Variants in CCDC30 observed in about 807,000 individuals in gnomAD.
CCDC30 encodes coiled-coil domain containing 30.
CCDC30 carries 70 observed loss-of-function variants against 100.2 expected under a neutral mutation model. The observed-to-expected ratio is 0.70, with a 90% CI of 0.58 to 0.85. The LOEUF (loss-of-function observed/expected upper bound fraction) is 0.85. CCDC30 is among the 40% of genes least tolerant of loss of function. The pLI, the probability that CCDC30 is intolerant of heterozygous loss-of-function variation, is 0.00. For synonymous variants in CCDC30, 233 were observed against 269.5 expected, an observed-to-expected ratio of 0.86 and a Z score of 1.33; for missense variants, 652 against 771.2, an observed-to-expected ratio of 0.85 and a Z score of 1.83.
At chr1:42,616,304 G>A (rs927212898) in intron 11 of CCDC30, among the ~76,000 whole-genome samples, 6 of 152,218 alleles carry the variant, frequency 3.9e-5, no homozygotes, top group Admixed American at 1.3e-4. Flanking sequence ...TTCTGACCCC[G>A]CTGCACATGC....
intron 6 of CCDC30, among the ~76,000 whole-genome samples, chr1:42,521,650 G>A (rs571682937): frequency 3.3e-5 from 5 of 152,050 alleles, no homozygotes; most frequent in Admixed American, 2.6e-4. Context: ...ATTGAGAGTA[G>A]GGTATTGACT....
intron 6 of CCDC30, among the ~76,000 whole-genome samples, chr1:42,548,325 A>G (rs557297787): frequency 6.6e-6 from 1 of 152,326 alleles, no homozygotes; most frequent in Admixed American, 6.5e-5. Context: ...AGTAATATTC[A>G]GCAGTTTAGT....
At chr1:42,634,078 C>A (rs868530393) in intron 11 of CCDC30, among the ~76,000 whole-genome samples, 1 of 152,072 alleles carries the variant, frequency 6.6e-6, no homozygotes, top group Non-Finnish European at 1.5e-5. Context: ...CCAGGTATCA[C>A]CTCCCGTCCA....
chr1:42,546,997 T>C, intron 6 of CCDC30, among the ~76,000 whole-genome samples: 1 of 152,324 alleles, frequency 6.6e-6, no homozygotes, highest in Admixed American at 6.5e-5. Context: ...AGTTATATCT[T>C]TGTAAATGTT....
At chr1:42,619,644 T>C (rs1646793148) in intron 11 of CCDC30, among the ~76,000 whole-genome samples, 3 of 152,296 alleles carry the variant, frequency 2.0e-5, no homozygotes, top group South Asian at 2.1e-4. Flanking sequence ...ACAGGTATTA[T>C]AGCAGCCCTC....
intron 6 of CCDC30, among the ~76,000 whole-genome samples, chr1:42,550,768 A>C (rs1326471380): frequency 6.6e-6 from 1 of 152,162 alleles, no homozygotes; most frequent in Non-Finnish European, 1.5e-5. Context: ...AGGCTATGTG[A>C]GGGCACAGAC....
the CCDC30 span, chr1:42,456,845 C>T: frequency 1.1e-5 from 18 of 1,613,536 alleles, no homozygotes; most frequent in Non-Finnish European, 1.4e-5. Context: ...CCCCTATGCC[C>T]ACCGCTTCCC....
chr1:42,583,805 C>T (rs755448060), intron 9 of CCDC30, among the ~76,000 whole-genome samples: 2 of 152,204 alleles, frequency 1.3e-5, no homozygotes, highest in South Asian at 4.1e-4. Flanking sequence ...AGCTTGAAGT[C>T]TGCAGGGCAA....
chr1:42,480,459 A>C lies in CCDC30; in HGVS notation c.-91-2A>C. 6.2e-6 allele frequency: 1 copy of C among 160,144 alleles called. No individual in the cohort carries two copies. Among genetic ancestry groups the C allele is most frequent in the Non-Finnish European group, 1.3e-5 (1 of 75,354 alleles). 9.9% of individuals were successfully genotyped at this position (160,144 alleles called of 1,614,324 possible). On this transcript the variant is annotated splice_acceptor_variant, in intron 1 of 16. Transcript: ENST00000668663. LOFTEE classifies it low-confidence loss of function (5UTR_SPLICE). ...CATTTTCTCTTTCTTTTTCTTGTCC[A>C]GGTTGGAGTGCTGGAGTGCAGTAGC... is the stretch of plus-strand genomic sequence containing the variant.
intron 11 of CCDC30, among the ~76,000 whole-genome samples, chr1:42,615,360 T>C (rs10789418): frequency 0.97 from 148,315 of 152,242 alleles, 72,364 homozygotes; most frequent in African/African-American, 0.99. Context: ...TGCAGTGGCC[T>C]GATCTTGGCT....
At chr1:42,497,291 C>A in intron 5 of CCDC30, 78 bp downstream of exon 5, 2 of 856,224 alleles carry the variant, frequency 2.3e-6, no homozygotes, top group Non-Finnish European at 3.1e-6. Context: ...CACAGGTATA[C>A]AACATGTAAG....
At chr1:42,494,565 G>A (rs1408484695) in intron 4 of CCDC30, among the ~76,000 whole-genome samples, 1 of 152,000 alleles carries the variant, frequency 6.6e-6, no homozygotes, top group Non-Finnish European at 1.5e-5. Context: ...AGAGTGAACA[G>A]GCAACCCACA....
At chr1:42,458,458 T>C (rs1209057231), upstream of CCDC30, among the ~76,000 whole-genome samples, 2 of 152,190 alleles carry the variant, frequency 1.3e-5, no homozygotes, top group Non-Finnish European at 2.9e-5. Context: ...TAGAATAGTT[T>C]ATTGAGGTCC....
intron 6 of CCDC30, among the ~76,000 whole-genome samples, chr1:42,539,573 T>C (rs1354486009): frequency 6.6e-6 from 1 of 152,204 alleles, no homozygotes; most frequent in African/African-American, 2.4e-5. Context: ...TCCCACCAAC[T>C]TAATTTTTGG....
intron 6 of CCDC30, among the ~76,000 whole-genome samples, chr1:42,550,919 C>G (rs1251678461): frequency 6.6e-6 from 1 of 152,050 alleles, no homozygotes; most frequent in Non-Finnish European, 1.5e-5. Flanking sequence ...CGTTAGCCAC[C>G]CCTATTCTGT....
intron 13 of CCDC30, among the ~76,000 whole-genome samples, chr1:42,644,325 G>T (rs528486758): frequency 1.3e-5 from 2 of 152,196 alleles, no homozygotes; most frequent in African/African-American, 4.8e-5. Flanking sequence ...GGGAGGAGAG[G>T]CCTGTCTCTC....
chr1:42,458,548 A>G (rs1643306513), upstream of CCDC30, among the ~76,000 whole-genome samples: 1 of 152,222 alleles, frequency 6.6e-6, no homozygotes, highest in African/African-American at 2.4e-5. Flanking sequence ...TGCAGAGGAG[A>G]CAATAAATAA....
At chr1:42,464,047 C>T (rs1286572359) in intron 1 of CCDC30, 149 bp downstream of exon 1, 1 of 152,262 alleles carries the variant, frequency 6.6e-6, no homozygotes, top group Non-Finnish European at 1.5e-5. Context: ...GTCTGCACCA[C>T]CTCTGTCATC....
chr1:42,611,037 A>G (rs1413723488), exon 11 of CCDC30: 1 of 1,613,302 alleles, frequency 6.2e-7, no homozygotes, highest in South Asian at 1.1e-5. Context: ...AAGAGAAGGA[A>G]GCTCTACGTG....
Sources: allele counts gnomAD v4.1 joint callset (sites outside exome capture counted in the v4.1 genomes callset), GRCh38; gene constraint gnomAD v4.1.1; transcripts MANE v1.5; gene names NCBI Gene and HGNC (gene_info 2026-07-23, HGNC 2026-07-21).